Variants in COL6A5 observed in about 807,000 individuals in gnomAD.
The protein encoded by COL6A5 is collagen type VI alpha 5 chain.
Under a neutral mutation model 65.6 loss-of-function variants are expected in COL6A5, and 48 were observed. That is an observed-to-expected ratio of 0.73 (90% CI 0.58 to 0.93). The LOEUF is 0.93. Among genes scored for constraint, COL6A5 ranks in the 40% least tolerant of loss-of-function variants. The pLI is 0.00. For missense variants in COL6A5, 914 were observed against 928.3 expected, an observed-to-expected ratio of 0.98 and a Z score of 0.20; for synonymous variants, 291 against 322.8, an observed-to-expected ratio of 0.90 and a Z score of 1.05.
chr3:130,457,909 T>C (rs1466210492), intron 5 of COL6A5, among the ~76,000 whole-genome samples: 2 of 152,130 alleles, frequency 1.3e-5, no homozygotes, highest in African/African-American at 4.8e-5. Flanking sequence ...ATAAGTTTCA[T>C]AAGCACCTCC....
chr3:130,385,904 A>G (rs867427919), intron 5 of COL6A5, among the ~76,000 whole-genome samples: 3 of 152,214 alleles, frequency 2.0e-5, no homozygotes, highest in Middle Eastern at 3.4e-3. Context: ...TTATTTTTAT[A>G]TTAAATGCAT....
chr3:130,448,000 G>T (rs1285639031), intron 4 of COL6A5, among the ~76,000 whole-genome samples: 1 of 152,110 alleles, frequency 6.6e-6, no homozygotes, highest in Non-Finnish European at 1.5e-5. Context: ...AAGTGAATTT[G>T]CCACAGTACG....
chr3:130,405,335 G>A (rs1222099516), intron 13 of COL6A5, among the ~76,000 whole-genome samples: 2 of 152,146 alleles, frequency 1.3e-5, no homozygotes, highest in Non-Finnish European at 2.9e-5. Flanking sequence ...AAGTGGCTGA[G>A]CTCTTCTTGC....
intron 2 of COL6A5, among the ~76,000 whole-genome samples, chr3:130,374,342 A>G (rs1453243): frequency 0.52 from 78,630 of 152,088 alleles, 25,638 homozygotes; most frequent in Non-Finnish European, 0.72. Flanking sequence ...GTATAATACA[A>G]TGGTAAGGAG....
chr3:130,355,528 A>C (rs1934891622), intron 1 of COL6A5, among the ~76,000 whole-genome samples: 1 of 152,042 alleles, frequency 6.6e-6, no homozygotes, highest in Non-Finnish European at 1.5e-5. Flanking sequence ...GTTTACCCTA[A>C]GTGAAAATTA....
At position 130,414,151 on chromosome 3, in the gene COL6A5, A is replaced by C; in HGVS notation, c.4761+20A>C. On this transcript the variant is annotated intron_variant and NMD_transcript_variant, in intron 22 of 41. Transcript: ENST00000312481. ...CCACAGGTGTGTTGGAATATTTTGT[A>C]AATATTGATAAATGCTGTAAAGTTA... The C allele has an allele frequency of 6.7e-7, 1 of 1,503,384 alleles. No individual in the cohort carries two copies. The highest frequency in any genetic ancestry group is 1.2e-5 in the South Asian group (1 of 82,926). The allele number at this position is 1,503,384 out of a possible 1,614,324, so 93.1% of individuals were successfully genotyped here. A position where few individuals can be genotyped will look rare whatever the true frequency, so the allele number is the denominator to read the frequency against.
chr3:130,483,485 G>A (rs1037308815), intron 7 of COL6A5, among the ~76,000 whole-genome samples: 6 of 152,158 alleles, frequency 3.9e-5, no homozygotes, highest in African/African-American at 1.4e-4. Flanking sequence ...TTATTGATTG[G>A]TCAAGAGCTG....
intron 5 of COL6A5, among the ~76,000 whole-genome samples, chr3:130,464,772 C>T (rs2107609918): frequency 6.6e-6 from 1 of 152,130 alleles, no homozygotes; most frequent in Middle Eastern, 3.4e-3. Context: ...CCACTGGGTT[C>T]CTGGTGGAGA....
chr3:130,468,804 A>G (rs1471789668), exon 6 of COL6A5: 11 of 1,606,784 alleles, frequency 6.8e-6, no homozygotes, highest in Non-Finnish European at 8.5e-6. Flanking sequence ...GGACATGAAA[A>G]TTATGGCAGA....
chr3:130,448,106 C>T (rs1709348726), intron 4 of COL6A5, among the ~76,000 whole-genome samples: 1 of 152,132 alleles, frequency 6.6e-6, no homozygotes. Flanking sequence ...TGCACCAAGC[C>T]TGTCCAATTA....
intron 1 of COL6A5, among the ~76,000 whole-genome samples, chr3:130,346,725 T>C (rs551721937): frequency 2.0e-5 from 3 of 152,324 alleles, no homozygotes; most frequent in African/African-American, 4.8e-5. Context: ...TAAGTTGATG[T>C]AGTGCTTCAT....
intron 20 of COL6A5, among the ~76,000 whole-genome samples, chr3:130,412,665 A>G (rs1462012865): frequency 6.6e-6 from 1 of 152,194 alleles, no homozygotes; most frequent in Non-Finnish European, 1.5e-5. Flanking sequence ...GGGTACAAAC[A>G]GCTGAAAAGT....
In COL6A5 at chr3:130,358,425, G is replaced by A. The variant is rs570689731; in HGVS notation, c.-29+12444G>A. On this transcript the variant is annotated intron_variant and NMD_transcript_variant, in intron 1 of 41. Transcript: ENST00000312481. ...CAATATAAATAATTTAGTAACATGA[G>A]TAAGAGAAAAGATTCAATTTACAAT... 7.9e-5 allele frequency among the ~76,000 whole-genome samples: 12 copies of A among 152,202 alleles called. 1 individual carries two copies. The South Asian group carries it at 2.5e-3, about 32-fold the overall frequency.
intron 10 of COL6A5, among the ~76,000 whole-genome samples, chr3:130,399,066 C>T (rs1936716890): frequency 6.6e-6 from 1 of 152,204 alleles, no homozygotes; most frequent in Non-Finnish European, 1.5e-5. Context: ...GAGCCGGAAG[C>T]TAAATGCAGA....
intron 7 of COL6A5, among the ~76,000 whole-genome samples, chr3:130,393,473 C>T (rs1456355296): frequency 6.6e-6 from 1 of 152,164 alleles, no homozygotes; most frequent in East Asian, 1.9e-4. Flanking sequence ...ACTACAAGCT[C>T]CACAGGCAGG....
At chr3:130,445,230 T>C (rs763137323) in intron 4 of COL6A5, among the ~76,000 whole-genome samples, 14 of 152,354 alleles carry the variant, frequency 9.2e-5, no homozygotes, top group East Asian at 1.9e-4. Flanking sequence ...TAGATCTTTT[T>C]AGAATTCACT....
chr3:130,423,728 T>A, intron 28 of COL6A5, 110 bp from the exon 29 acceptor site: 1 of 688,652 alleles, frequency 1.5e-6, no homozygotes, highest in Middle Eastern at 3.4e-4. Flanking sequence ...AATTAATAGC[T>A]GCTATCTTTT....
chr3:130,382,531 C>G (rs1007222436), intron 4 of COL6A5, among the ~76,000 whole-genome samples: 2 of 152,176 alleles, frequency 1.3e-5, no homozygotes, highest in Non-Finnish European at 2.9e-5. Context: ...AAGCATCACT[C>G]TAAAACTACT....
At chr3:130,350,932 C>A (rs572407372) in intron 1 of COL6A5, among the ~76,000 whole-genome samples, 1 of 152,126 alleles carries the variant, frequency 6.6e-6, no homozygotes, top group Non-Finnish European at 1.5e-5. Context: ...GCTACAGTAA[C>A]AAAAACAGCA....
Sources: allele counts gnomAD v4.1 joint callset (sites outside exome capture counted in the v4.1 genomes callset), GRCh38; gene constraint gnomAD v4.1.1; transcripts MANE v1.5; gene names NCBI Gene and HGNC (gene_info 2026-07-23, HGNC 2026-07-21).